Variants in ST8SIA6 observed in about 807,000 individuals in gnomAD.
ST8SIA6 encodes alpha-2,8-sialyltransferase 8F.
Under a neutral mutation model 33.6 loss-of-function variants are expected in ST8SIA6, and 39 were observed. That is an observed-to-expected ratio of 1.16 (90% CI 0.90 to 1.52). The LOEUF (loss-of-function observed/expected upper bound fraction) is 1.52. Ranked by LOEUF, ST8SIA6 falls within the 40% of genes most tolerant of loss-of-function variation. The pLI is 0.00. For missense variants in ST8SIA6, 441 were observed against 443.8 expected (o/e 0.99, Z 0.06); for synonymous variants, 172 against 167.2 (o/e 1.03, Z -0.22).
In ST8SIA6 at chr10:17,333,697, A is replaced by T. The variant is rs1564404899; in HGVS notation, c.378-2145T>A. Among the ~76,000 whole-genome samples, 30 of 21,994 alleles carry T rather than the reference A, an allele frequency of 1.4e-3. 9 individuals are homozygous for T. Among genetic ancestry groups the T allele is most frequent in the South Asian group, 1.3e-3 (1 of 760 alleles). The allele number at this position is 21,994 out of a possible 152,430, so 14.4% of individuals were successfully genotyped here. On this transcript the variant is annotated intron_variant, in intron 4 of 7. Coordinates refer to ENST00000377602, the MANE Select transcript of ST8SIA6 (RefSeq NM_001004470.3). ...GATATATATATATATATATATATAT[A>T]TATATATATATATATATATATTTTT...
intron 2 of ST8SIA6, among the ~76,000 whole-genome samples, chr10:17,395,664 C>T (rs1171739107): frequency 6.6e-6 from 1 of 152,160 alleles, no homozygotes. Flanking sequence ...GGGCAGATCA[C>T]CTGTGGTCGA....
At chr10:17,448,843 A>G (rs115730866) in intron 2 of ST8SIA6, among the ~76,000 whole-genome samples, 14,494 of 148,164 alleles carry the variant, frequency 0.098, 1,075 homozygotes, top group Non-Finnish European at 0.15. Flanking sequence ...GATGGTCTCA[A>G]TCTCCTCACC....
chr10:17,441,348 C>T (rs1387053458), intron 2 of ST8SIA6, among the ~76,000 whole-genome samples: 1 of 131,080 alleles, frequency 7.6e-6, no homozygotes, highest in Non-Finnish European at 1.5e-5. Flanking sequence ...GAGTCTCGCT[C>T]GTTTCCCAGG....
intron 4 of ST8SIA6, among the ~76,000 whole-genome samples, chr10:17,357,160 C>T (rs1287658466): frequency 6.7e-6 from 1 of 149,402 alleles, no homozygotes; most frequent in African/African-American, 2.5e-5. Flanking sequence ...GAGACGGAGT[C>T]TCTCTGTCAT....
chr10:17,345,730 T>C (rs1419259261), intron 4 of ST8SIA6, among the ~76,000 whole-genome samples: 2 of 152,144 alleles, frequency 1.3e-5, no homozygotes, highest in Non-Finnish European at 1.5e-5. Flanking sequence ...GGCAAAGCAT[T>C]GAAGGGTCTT....
At chr10:17,330,261 C>T (rs1564402728) in intron 5 of ST8SIA6, among the ~76,000 whole-genome samples, 1 of 152,188 alleles carries the variant, frequency 6.6e-6, no homozygotes, top group Non-Finnish European at 1.5e-5. Context: ...GCAGTTGCTG[C>T]TCCTCTGTTC....
intron 6 of ST8SIA6, 48 bp downstream of exon 6, chr10:17,326,966 T>C (rs1234214633): frequency 1.5e-6 from 2 of 1,341,428 alleles, no homozygotes; most frequent in Admixed American, 2.1e-5. Flanking sequence ...CCCTCTGAAA[T>C]ACCCAACTGA....
At chr10:17,367,453 A>G (rs1426176048) in intron 3 of ST8SIA6, among the ~76,000 whole-genome samples, 1 of 152,112 alleles carries the variant, frequency 6.6e-6, no homozygotes, top group Admixed American at 6.6e-5. Flanking sequence ...CATGGAGATT[A>G]TGGGAGCTGT....
Position 17,322,218 on chromosome 10 carries a change from AAAAG to A in ST8SIA6, c.728+843_728+846del, listed in dbSNP as rs939142499. ...AGACAGAAAGGAAAGAAAGAGAAAG[AAAAG>A]AAAGAAAGAAAAAGAAAGAGAAAAA... On this transcript the variant is annotated intron_variant, in intron 7 of 7. Coordinates refer to ENST00000377602, the MANE Select transcript of ST8SIA6 (RefSeq NM_001004470.3). Among the ~76,000 whole-genome samples the A allele has an allele frequency of 8.6e-4, 119 of 138,844 alleles. No homozygotes were observed. In the South Asian group the frequency reaches 0.012, roughly 14 times the overall value. The allele number at this position is 138,844 out of a possible 152,430, so 91.1% of individuals were successfully genotyped here.
chr10:17,390,185 G>A (rs1451935597), intron 3 of ST8SIA6, among the ~76,000 whole-genome samples: 1 of 152,016 alleles, frequency 6.6e-6, no homozygotes, highest in Non-Finnish European at 1.5e-5. Context: ...GTTTTGCTAT[G>A]TTGCTAAGCC....
chr10:17,341,374 A>G (rs1487902140), intron 4 of ST8SIA6, among the ~76,000 whole-genome samples: 3 of 152,192 alleles, frequency 2.0e-5, no homozygotes, highest in African/African-American at 7.2e-5. Flanking sequence ...GCAGATTCGG[A>G]GGATTCAGTA....
At chr10:17,339,041 T>C (rs1848593041) in intron 4 of ST8SIA6, among the ~76,000 whole-genome samples, 1 of 152,230 alleles carries the variant, frequency 6.6e-6, no homozygotes, top group Admixed American at 6.5e-5. Context: ...CACCTTTGCA[T>C]CCAGATGTCA....
At chr10:17,368,202 CCTGA>C (rs1424793696) in intron 3 of ST8SIA6, among the ~76,000 whole-genome samples, 1 of 142,548 alleles carries the variant, frequency 7.0e-6, no homozygotes, top group African/African-American at 2.7e-5. Context: ...TCGAGACCAG[CCTGA>C]CTAACATGGA....
intron 6 of ST8SIA6, 113 bp downstream of exon 6, chr10:17,326,901 C>G: frequency 1.4e-6 from 1 of 714,142 alleles, no homozygotes; most frequent in Non-Finnish European, 2.1e-6. Flanking sequence ...AATTTGTAGA[C>G]TTTTGTAACA....
At chr10:17,442,936 T>G (rs1344926816) in intron 2 of ST8SIA6, among the ~76,000 whole-genome samples, 1 of 152,198 alleles carries the variant, frequency 6.6e-6, no homozygotes, top group Non-Finnish European at 1.5e-5. Flanking sequence ...AAAGCTGCTG[T>G]TCTAGATTAT....
chr10:17,379,311 A>G (rs1850041852), intron 3 of ST8SIA6, among the ~76,000 whole-genome samples: 1 of 138,736 alleles, frequency 7.2e-6, no homozygotes, highest in Admixed American at 6.9e-5. Context: ...GTGAGAGAGA[A>G]AGAGTAAGAA....
At chr10:17,336,783 G>A (rs1344817607) in intron 4 of ST8SIA6, among the ~76,000 whole-genome samples, 2 of 151,692 alleles carry the variant, frequency 1.3e-5, no homozygotes, top group African/African-American at 2.4e-5. Flanking sequence ...TAGTAGAGAC[G>A]GGGTTTCACC....
At chr10:17,357,413 G>A (rs1382596197) in intron 4 of ST8SIA6, among the ~76,000 whole-genome samples, 1 of 151,846 alleles carries the variant, frequency 6.6e-6, no homozygotes, top group African/African-American at 2.4e-5. Context: ...TGGGATTACA[G>A]GCGTGAGCCA....
At chr10:17,322,489 G>A (rs1445103571) in intron 7 of ST8SIA6, among the ~76,000 whole-genome samples, 1 of 151,902 alleles carries the variant, frequency 6.6e-6, no homozygotes, top group African/African-American at 2.4e-5. Context: ...TTCTTTCAAG[G>A]GATGCTATAA....
Sources: allele counts gnomAD v4.1 joint callset (sites outside exome capture counted in the v4.1 genomes callset), GRCh38; gene constraint gnomAD v4.1.1; transcripts MANE v1.5; gene names NCBI Gene and HGNC (gene_info 2026-07-23, HGNC 2026-07-21).